Variants in FOXE1 observed in about 807,000 individuals in gnomAD.
The protein encoded by FOXE1 is forkhead box E1.
Under a neutral mutation model 2.1 loss-of-function variants are expected in FOXE1, and 4 were observed. The ratio of observed to expected loss-of-function variants is 1.91; its 90% CI spans 0.94 to 4.37. The LOEUF is 4.37. Ranked by LOEUF, FOXE1 falls within the 30% of genes most tolerant of loss-of-function variation. The pLI is 0.01. For synonymous variants in FOXE1, 277 were observed against 272.4 expected, an observed-to-expected ratio of 1.02 and a Z score of -0.17; for missense variants, 574 against 583.3, an observed-to-expected ratio of 0.98 and a Z score of 0.16.
At position 97,853,935 on chromosome 9, in the gene FOXE1, G is replaced by T. The variant is rs1192487497; in HGVS notation, c.21G>T (p.Pro7=). 1 of 1,298,172 alleles carries T rather than the reference G, an allele frequency of 7.7e-7. No individual in the cohort carries two copies. Among genetic ancestry groups the T allele is most frequent in the Non-Finnish European group, 9.7e-7 (1 of 1,028,922 alleles). 80.4% of individuals were successfully genotyped at this position (1,298,172 alleles called of 1,614,324 possible). A position where few individuals can be genotyped will look rare whatever the true frequency, so the allele number is the denominator to read the frequency against. The change falls in exon 1 of 1, where the codon CCG becomes CCT. Residue 7 remains proline (P), a synonymous_variant. Coordinates refer to ENST00000375123, the MANE Select transcript of FOXE1 (RefSeq NM_004473.4). ...GCGCCATGACTGCCGAGAGCGGGCC[G>T]CCGCCGCCGCAGCCGGAGGTGCTGG... The part of the protein sequence containing the change: MTAESG[P]PPPQPEVLAT...
chr9:97,854,674 GC>G lies in FOXE1; in HGVS notation c.765del (p.Ala256LeufsTer111), dbSNP rs1181169673. On this transcript the variant is annotated frameshift_variant, in exon 1 of 1. Coordinates refer to ENST00000375123, the MANE Select transcript of FOXE1 (RefSeq NM_004473.4). LOFTEE classifies it low-confidence loss of function (END_TRUNC). Reference protein sequence around the residue: ...GGSCAFASAGAPATTTGYQPA... With the variant: ...GGSCAFASAGXPATTTGYQPA... The stretch of plus-strand genomic sequence containing the variant: ...CTCTTGCGCCTTTGCCTCCGCCGGC[GC>G]CCCCGCTACCACCACCGGCTACCAG... 2.1e-6 allele frequency: 3 copies of G among 1,403,612 alleles called. No homozygotes were observed. The highest frequency in any genetic ancestry group is 1.5e-5 in the South Asian group (1 of 65,296). 86.9% of individuals were successfully genotyped at this position (1,403,612 alleles called of 1,614,324 possible). A position where few individuals can be genotyped will look rare whatever the true frequency, so the allele number is the denominator to read the frequency against.
In FOXE1 at chr9:97,853,759, T is replaced by C. The variant is rs1867279; in HGVS notation, c.-156T>C. ...CCACGGACGCTGAGCCTCCAGCGCG[T>C]GCCAGCCTGGGCCGCTGGGCTCTCG... On this transcript the variant is annotated 5_prime_UTR_variant, in exon 1 of 1. Transcript: ENST00000375123. 455,555 of 586,664 alleles carry C rather than the reference T, an allele frequency of 0.78. 178,982 individuals carry two copies. The highest frequency in any genetic ancestry group is 1 in the East Asian group (25,792 of 25,910). The allele number at this position is 586,664 out of a possible 1,614,324, so 36.3% of individuals were successfully genotyped here. A position where few individuals can be genotyped will look rare whatever the true frequency, so the allele number is the denominator to read the frequency against.
chr9:97,854,200 A>G lies in FOXE1; in HGVS notation c.286A>G (p.Lys96Glu). Residue 96 changes from lysine to glutamate, a missense_variant, in exon 1 of 1, where the codon AAG becomes GAG. Physicochemically the swap from Lys to Glu is moderately conservative, Grantham distance 56. This residue lies in a region of FOXE1 where 249 missense variants were observed against 269.6 expected (regional missense o/e 0.92). Transcript: ENST00000375123. ...CCCCTTCTACCGCGACAACCCCAAAAAGTGGCAGAACAGCATCCGCCACAA... is the reference window on the plus strand; with the variant it reads ...CCCCTTCTACCGCGACAACCCCAAAGAGTGGCAGAACAGCATCCGCCACAA... ...RFPFYRDNPK[K>E]WQNSIRHNLT... The G allele has an allele frequency of 1.2e-6, 2 of 1,612,846 alleles. No homozygotes were observed. The highest frequency in any genetic ancestry group is 1.7e-6 in the Non-Finnish European group (2 of 1,179,632).
Position 97,855,102 on chromosome 9 carries a change from G to T in FOXE1, c.*66G>T. 6.4e-7 allele frequency: 1 copy of T among 1,572,390 alleles called. No homozygotes were observed. Among genetic ancestry groups the T allele is most frequent in the South Asian group, 1.1e-5 (1 of 87,716 alleles). On this transcript the variant is annotated 3_prime_UTR_variant, in exon 1 of 1. Coordinates refer to ENST00000375123, the MANE Select transcript of FOXE1 (RefSeq NM_004473.4). ...CACACGTTCCCCGCAATCTGAGAAC[G>T]AACAGGAATGGAGAGAGGACTCAAC...
rs758572525 is a variant in FOXE1 at position 97,854,317 on chromosome 9, G to A, written c.403G>A (p.Asp135Asn). Residue 135 changes from aspartate (D) to asparagine (N), a missense_variant, in exon 1 of 1, where the codon GAC becomes AAC. By Grantham distance (23) the Asp-to-Asn change is conservative. This residue lies in a region of FOXE1 where 249 missense variants were observed against 269.6 expected (regional missense o/e 0.92). Transcript: ENST00000375123. ...CTGGGCGCTTGACCCCAACGCGGAG[G>A]ACATGTTCGAGAGCGGCAGCTTCCT... ...NYWALDPNAE[D>N]MFESGSFLRR... The A allele has an allele frequency of 2.5e-6, 4 of 1,609,402 alleles. No individual in the cohort carries two copies. Among genetic ancestry groups the A allele is most frequent in the Non-Finnish European group, 3.4e-6 (4 of 1,177,996 alleles).
Position 97,853,700 on chromosome 9 carries a change from C to A in FOXE1, c.-215C>A, listed in dbSNP as rs1830620747. ...CTGAGCCGTCGGCTAGCGGGTCACT[C>A]CCGAGCCTCTGTCTGCACCGCGCCA... On this transcript the variant is annotated 5_prime_UTR_variant, in exon 1 of 1. Coordinates refer to ENST00000375123, the MANE Select transcript of FOXE1 (RefSeq NM_004473.4). The A allele has an allele frequency of 2.6e-6, 1 of 381,356 alleles. No individual in the cohort carries two copies. The highest frequency in any genetic ancestry group is 2.1e-5 in the African/African-American group (1 of 47,430). 23.6% of individuals were successfully genotyped at this position (381,356 alleles called of 1,614,324 possible). A position where few individuals can be genotyped will look rare whatever the true frequency, so the allele number is the denominator to read the frequency against.
Position 97,854,381 on chromosome 9 carries a change from C to A in FOXE1, c.467C>A (p.Thr156Asn). Residue 156 changes from threonine (T) to asparagine (N), a missense_variant, in exon 1 of 1, where the codon ACC becomes AAC. This residue lies in a region of FOXE1 where 249 missense variants were observed against 269.6 expected (regional missense o/e 0.92). Transcript: ENST00000375123. ...RKRFKRSDLS[T>N]YPAYMHDAAA... ...CGCTTCAAGCGCTCGGACCTCTCCACCTACCCGGCTTACATGCACGACGCG... is the reference window on the plus strand; with the variant it reads ...CGCTTCAAGCGCTCGGACCTCTCCAACTACCCGGCTTACATGCACGACGCG... The A allele has an allele frequency of 6.6e-7, 1 of 1,516,368 alleles. No individual in the cohort carries two copies. Among genetic ancestry groups the A allele is most frequent in the Non-Finnish European group, 8.8e-7 (1 of 1,130,276 alleles). The allele number at this position is 1,516,368 out of a possible 1,614,324, so 93.9% of individuals were successfully genotyped here.
In FOXE1 at chr9:97,853,862, GC is replaced by G. The variant is rs1830623256; in HGVS notation, c.-47del. ...TTCCGGGGACGCCAGGCCCGCCCCC[GC>G]CCCCCGACAGCCGCGGGGATCCAGA... On this transcript the variant is annotated 5_prime_UTR_variant, in exon 1 of 1. Transcript: ENST00000375123. The G allele has an allele frequency of 4.1e-6, 5 of 1,234,312 alleles. No homozygotes were observed. Among genetic ancestry groups the G allele is most frequent in the African/African-American group, 1.6e-5 (1 of 63,666 alleles). The allele number at this position is 1,234,312 out of a possible 1,614,324, so 76.5% of individuals were successfully genotyped here.
Position 97,854,500 on chromosome 9 carries a change from G to A in FOXE1, c.586G>A (p.Val196Ile). Residue 196 changes from valine (V) to isoleucine (I), a missense_variant, in exon 1 of 1, where the codon GTC becomes ATC. By Grantham distance (29) the Val-to-Ile change is conservative (BLOSUM62 3). Around this residue, in one of 3 missense-constraint regions of FOXE1, gnomAD observed 316 missense variants for 288.4 expected, o/e 1.10. Coordinates refer to ENST00000375123, the MANE Select transcript of FOXE1 (RefSeq NM_004473.4). Reference protein sequence around the residue: ...PAARPPYPGAVYAGYAPPSLA... With the variant: ...PAARPPYPGAIYAGYAPPSLA... ...CGCGCGCCCCCCCTACCCGGGCGCC[G>A]TCTATGCAGGCTACGCGCCGCCGTC... 8.1e-7 allele frequency: 1 copy of A among 1,232,880 alleles called. No homozygotes were observed. 76.4% of individuals were successfully genotyped at this position (1,232,880 alleles called of 1,614,324 possible).
In FOXE1 at chr9:97,853,904, ACGCCCGCGC is replaced by A. The variant is rs1291964648; in HGVS notation, c.-9_-1del. The A allele has an allele frequency of 2.4e-6, 3 of 1,273,768 alleles. No homozygotes were observed. The allele number at this position is 1,273,768 out of a possible 1,614,324, so 78.9% of individuals were successfully genotyped here. On this transcript the variant is annotated 5_prime_UTR_variant, in exon 1 of 1. Coordinates refer to ENST00000375123, the MANE Select transcript of FOXE1 (RefSeq NM_004473.4). The stretch of plus-strand genomic sequence containing the variant: ...GGGATCCAGAGCCCGGGGGTGCGGG[ACGCCCGCGC>A]CATGACTGCCGAGAGCGGGCCGCCG...
At position 97,853,964 on chromosome 9, in the gene FOXE1, C is replaced by T. The variant is rs1002081447; in HGVS notation, c.50C>T (p.Thr17Ile). 9 of 1,322,732 alleles carry T rather than the reference C, an allele frequency of 6.8e-6. No individual in the cohort carries two copies. The highest frequency in any genetic ancestry group is 8.6e-6 in the Non-Finnish European group (9 of 1,041,536). 81.9% of individuals were successfully genotyped at this position (1,322,732 alleles called of 1,614,324 possible). A position where few individuals can be genotyped will look rare whatever the true frequency, so the allele number is the denominator to read the frequency against. Residue 17 changes from threonine to isoleucine, a missense_variant, in exon 1 of 1, where the codon ACC (threonine) becomes ATC (isoleucine). By Grantham distance (89) the Thr-to-Ile change is moderately conservative. This residue lies in a region of FOXE1 where 249 missense variants were observed against 269.6 expected (regional missense o/e 0.92). Transcript: ENST00000375123. ...PPPPQPEVLA[T>I]VKEERGETAA... ...CCGCCGCAGCCGGAGGTGCTGGCTA[C>T]CGTGAAGGAAGAGCGCGGCGAGACG...
At position 97,854,754 on chromosome 9, in the gene FOXE1, C is replaced by T; in HGVS notation, c.840C>T (p.Ala280=). The part of the protein sequence containing the change: ...RPANPSAYAA[A]YAGPDGAYPQ... The stretch of plus-strand genomic sequence containing the variant: ...CCAACCCCTCCGCCTATGCGGCTGC[C>T]TACGCGGGCCCCGACGGCGCGTACC... The change falls in exon 1 of 1, where the codon GCC becomes GCT. Residue 280 remains alanine, a synonymous_variant. Transcript: ENST00000375123. 6.8e-7 allele frequency: 1 copy of T among 1,480,320 alleles called. No individual in the cohort carries two copies. The highest frequency in any genetic ancestry group is 8.9e-7 in the Non-Finnish European group (1 of 1,125,428). 91.7% of individuals were successfully genotyped at this position (1,480,320 alleles called of 1,614,324 possible). A position where few individuals can be genotyped will look rare whatever the true frequency, so the allele number is the denominator to read the frequency against.
Position 97,853,861 on chromosome 9 carries a change from C to T in FOXE1, c.-54C>T. On this transcript the variant is annotated 5_prime_UTR_variant, in exon 1 of 1. Transcript: ENST00000375123. ...GTTCCGGGGACGCCAGGCCCGCCCC[C>T]GCCCCCCGACAGCCGCGGGGATCCA... 2.4e-6 allele frequency: 3 copies of T among 1,233,536 alleles called. No individual in the cohort carries two copies. The highest frequency in any genetic ancestry group is 3.0e-6 in the Non-Finnish European group (3 of 988,258). 76.4% of individuals were successfully genotyped at this position (1,233,536 alleles called of 1,614,324 possible). A position where few individuals can be genotyped will look rare whatever the true frequency, so the allele number is the denominator to read the frequency against.
Position 97,854,112 on chromosome 9 carries a change from C to A in FOXE1, c.198C>A (p.Ile66=), listed in dbSNP as rs137971454. The change falls in exon 1 of 1, where the codon ATC becomes ATA. Residue 66 remains isoleucine, a synonymous_variant. Transcript: ENST00000375123. The part of the protein sequence containing the change: ...YSYIALIAMA[I]AHAPERRLTL... ...ACATCGCGCTCATCGCCATGGCCAT[C>A]GCGCACGCGCCCGAGCGCCGCCTCA... The A allele has an allele frequency of 1.4e-5, 23 of 1,611,210 alleles. No homozygotes were observed. The highest frequency in any genetic ancestry group is 1.8e-5 in the Non-Finnish European group (21 of 1,178,978).
At position 97,854,021 on chromosome 9, in the gene FOXE1, C is replaced by T. The variant is rs554583478; in HGVS notation, c.107C>T (p.Thr36Met). The T allele has an allele frequency of 6.0e-4, 840 of 1,408,416 alleles. 4 individuals are homozygous for T. In the African/African-American group the frequency reaches 0.012, roughly 19 times the overall value. 87.2% of individuals were successfully genotyped at this position (1,408,416 alleles called of 1,614,324 possible). ...GGGGCCGGGGTCCCAGGGGAGGCCA[C>T]GGGCCGCGGGGCGGGCGGGCGGCGC... ...AAGAGVPGEA[T>M]GRGAGGRRRK... The change falls in exon 1 of 1, where the codon ACG becomes ATG. Residue 36 changes from threonine (T) to methionine (M), a missense_variant. This residue lies in a region of FOXE1 where 249 missense variants were observed against 269.6 expected (regional missense o/e 0.92). Coordinates refer to ENST00000375123, the MANE Select transcript of FOXE1 (RefSeq NM_004473.4).
rs903200967 is a variant in FOXE1 at position 97,855,191 on chromosome 9, G to A, written c.*155G>A. 21 of 964,438 alleles carry A rather than the reference G, an allele frequency of 2.2e-5. No individual in the cohort carries two copies. Among genetic ancestry groups the A allele is most frequent in the South Asian group, 2.0e-4 (14 of 70,576 alleles). 59.7% of individuals were successfully genotyped at this position (964,438 alleles called of 1,614,324 possible). A position where few individuals can be genotyped will look rare whatever the true frequency, so the allele number is the denominator to read the frequency against. On this transcript the variant is annotated 3_prime_UTR_variant, in exon 1 of 1. Coordinates refer to ENST00000375123, the MANE Select transcript of FOXE1 (RefSeq NM_004473.4). ...CTCGGTCTCCCCGCGCACAGCGTAG[G>A]CACCCGGTGTACTCTGTAAACGGGA...
rs374800808 is a variant in FOXE1 at position 97,856,254 on chromosome 9, G to A, written c.*1218G>A. ...GAAACTGGAATTTTAACTTCATTTTGTATCTTGCTTAAGTAGCAGGCTCAC... is the reference window on the plus strand; with the variant it reads ...GAAACTGGAATTTTAACTTCATTTTATATCTTGCTTAAGTAGCAGGCTCAC... On this transcript the variant is annotated 3_prime_UTR_variant, in exon 1 of 1. Transcript: ENST00000375123. The A allele has an allele frequency of 5.3e-4, 89 of 167,208 alleles. No homozygotes were observed. Among genetic ancestry groups the A allele is most frequent in the African/African-American group, 2.0e-3 (84 of 41,586 alleles). 10.4% of individuals were successfully genotyped at this position (167,208 alleles called of 1,614,324 possible). A position where few individuals can be genotyped will look rare whatever the true frequency, so the allele number is the denominator to read the frequency against.
rs879227810 is a variant in FOXE1, at chr9:97,855,884, C to T, written c.*848C>T. 3.0e-5 allele frequency: 5 copies of T among 167,050 alleles called. No individual in the cohort carries two copies. The South Asian group carries it at 1.0e-3, about 35-fold the overall frequency. The allele number at this position is 167,050 out of a possible 1,614,324, so 10.3% of individuals were successfully genotyped here. A position where few individuals can be genotyped will look rare whatever the true frequency, so the allele number is the denominator to read the frequency against. On this transcript the variant is annotated 3_prime_UTR_variant, in exon 1 of 1. Coordinates refer to ENST00000375123, the MANE Select transcript of FOXE1 (RefSeq NM_004473.4). Reference sequence around the variant, plus strand: ...TAACCTAAAGTCCCAGGATTGGCTCCAGGCAGCAATTATATCATAACTTAT... The same window carrying T: ...TAACCTAAAGTCCCAGGATTGGCTCTAGGCAGCAATTATATCATAACTTAT...
rs1457769253 is a variant in FOXE1 at position 97,854,726 on chromosome 9, C to G, written c.812C>G (p.Pro271Arg). ...YQPAGCTGAR[P>R]ANPSAYAAAY... ...CCCGCAGGCTGCACCGGGGCCCGGC[C>G]GGCCAACCCCTCCGCCTATGCGGCT... The change falls in exon 1 of 1, where the codon CCG becomes CGG. Residue 271 changes from proline (P) to arginine (R), a missense_variant. By Grantham distance (103) the Pro-to-Arg change is moderately radical. Coordinates refer to ENST00000375123, the MANE Select transcript of FOXE1 (RefSeq NM_004473.4). 2 of 1,413,556 alleles carry G rather than the reference C, an allele frequency of 1.4e-6. No homozygotes were observed. Among genetic ancestry groups the G allele is most frequent in the African/African-American group, 3.0e-5 (2 of 65,926 alleles). 87.6% of individuals were successfully genotyped at this position (1,413,556 alleles called of 1,614,324 possible).
Sources: allele counts gnomAD v4.1 joint callset, GRCh38; gene constraint gnomAD v4.1.1; regional missense constraint gnomAD v4.1.1; transcripts MANE v1.5; gene names NCBI Gene and HGNC (gene_info 2026-07-23, HGNC 2026-07-21).